The following USP24 variants were observed in gnomAD, a reference collection of about 807,000 sequenced individuals.
USP24 encodes ubiquitin carboxyl-terminal hydrolase 24.
A neutral mutation model predicts 361.6 loss-of-function variants in USP24; 97 were observed. The ratio of observed to expected loss-of-function variants is 0.27; its 90% CI spans 0.23 to 0.32. USP24 has a LOEUF of 0.32. Ranked by LOEUF, USP24 falls within the 10% of genes least tolerant of loss-of-function variation. USP24 has a pLI of 1.00. For synonymous variants in USP24, 1,098 were observed against 1,124.6 expected (o/e 0.98, Z 0.47); for missense variants, 2,353 against 3,165.6 (o/e 0.74, Z 6.16).
At chr1:55,088,353 G>C (rs1454253704) in intron 55 of USP24, among the ~76,000 whole-genome samples, 1 of 152,198 alleles carries the variant, frequency 6.6e-6, no homozygotes, top group East Asian at 1.9e-4. Flanking sequence ...TTGTGTGTTT[G>C]TTTTGAGAGA....
chr1:55,079,793 T>TGAGTACCCTCACAGAGTACTCACACA, intron 59 of USP24, 134 bp from the exon 60 acceptor site: 1 of 1,051,220 alleles, frequency 9.5e-7, no homozygotes, highest in Non-Finnish European at 1.3e-6. Context: ...ACTCACACAC[T>TGAGTACCCTCACAGAGTACTCACACA]GAGTACTCAC....
Position 55,125,444 on chromosome 1 carries a change from T to C in USP24, c.3836A>G (p.Gln1279Arg). The change falls in exon 34 of 68, where the codon CAG becomes CGG. Residue 1279 changes from glutamine to arginine, a missense_variant. This residue lies in a region of USP24 where 949 missense variants were observed against 1,280.5 expected (regional missense o/e 0.74). Coordinates refer to ENST00000294383, the MANE Select transcript of USP24 (RefSeq NM_015306.3). ...ACATAAGGACATCTGTCTGCTTGTCTGCCGGCTGACATTTCGGAATGGGCG... is the reference window on the plus strand; with the variant it reads ...ACATAAGGACATCTGTCTGCTTGTCCGCCGGCTGACATTTCGGAATGGGCG... Reference protein sequence around the residue: ...SSRPFRNVSRQTSRQMSLCGT... With the variant: ...SSRPFRNVSRRTSRQMSLCGT... 1 of 1,613,994 alleles carries C rather than the reference T, an allele frequency of 6.2e-7. No individual in the cohort carries two copies.
chr1:55,130,519 T>C (rs1242932426), intron 31 of USP24, among the ~76,000 whole-genome samples: 1 of 152,196 alleles, frequency 6.6e-6, no homozygotes, highest in African/African-American at 2.4e-5. Context: ...TCTTAAAAAA[T>C]CTGCTTCTAT....
chr1:55,211,922 T>C (rs1013378166), intron 1 of USP24, among the ~76,000 whole-genome samples: 5 of 152,198 alleles, frequency 3.3e-5, no homozygotes, highest in African/African-American at 1.2e-4. Context: ...TTTTTAGAAA[T>C]AAAAAGGATT....
At chr1:55,115,153 C>T (rs962305681) in intron 38 of USP24, among the ~76,000 whole-genome samples, 19 of 151,976 alleles carry the variant, frequency 1.3e-4, no homozygotes, top group African/African-American at 4.6e-4. Flanking sequence ...ATGATCACTG[C>T]AGAGAAATGC....
intron 1 of USP24, among the ~76,000 whole-genome samples, chr1:55,201,251 CTG>C (rs1258240037): frequency 6.6e-6 from 1 of 152,116 alleles, no homozygotes; most frequent in African/African-American, 2.4e-5. Flanking sequence ...TTAGTATCTC[CTG>C]TGTCAAGTGT....
intron 37 of USP24, among the ~76,000 whole-genome samples, chr1:55,120,993 T>A (rs2100596258): frequency 6.6e-6 from 1 of 152,354 alleles, no homozygotes; most frequent in South Asian, 2.1e-4. Flanking sequence ...TCAATAGGTT[T>A]ATAACTTAAT....
intron 7 of USP24, among the ~76,000 whole-genome samples, chr1:55,165,607 C>A (rs987776491): frequency 1.3e-5 from 2 of 151,912 alleles, no homozygotes; most frequent in Non-Finnish European, 2.9e-5. Context: ...ATATAGCAAC[C>A]AACTTTAAAC....
chr1:55,089,903 TA>T (rs1372985823), intron 54 of USP24, among the ~76,000 whole-genome samples, 163 bp from the exon 55 acceptor site: 5 of 152,188 alleles, frequency 3.3e-5, no homozygotes, highest in African/African-American at 1.2e-4. Context: ...GACTGCCCAC[TA>T]CCATGGCTCA....
chr1:55,133,795 C>T (rs1276247970), intron 30 of USP24, among the ~76,000 whole-genome samples: 3 of 152,040 alleles, frequency 2.0e-5, no homozygotes, highest in South Asian at 2.1e-4. Flanking sequence ...TGCCATCACA[C>T]CAGCTAATTT....
rs1391861943 is a variant in USP24 at position 55,157,304 on chromosome 1, A to G, written c.1294T>C (p.Leu432=). 6 of 1,602,878 alleles carry G rather than the reference A, an allele frequency of 3.7e-6. No individual in the cohort carries two copies. Among genetic ancestry groups the G allele is most frequent in the African/African-American group, 1.3e-5 (1 of 74,346 alleles). ...GAGTTTTCAACTAGCCAATCTAATA[A>G]TCTGTCTGTATCTATAGCATTCTTC... ...SVKNAIDTDR[L]LDWLVENSVL... Residue 432 remains leucine, a synonymous_variant, in exon 11 of 68, where the codon TTA becomes CTA. Transcript: ENST00000294383.
intron 61 of USP24, 55 bp from the exon 62 acceptor site, chr1:55,077,355 A>C (rs1645050159): frequency 6.8e-7 from 1 of 1,473,208 alleles, no homozygotes; most frequent in Admixed American, 2.0e-5. Context: ...TTGGAATGGC[A>C]ATTAACAATG....
Position 55,093,975 on chromosome 1 carries a change from C to T in USP24, c.6316G>A (p.Gly2106Arg). ...GCAGGCATTTTCTCCACAAACAGTC[C>T]TTTCTTCTCGCCTTTTTTAACCAGC... ...TKLVKKGEKK[G>R]LFVEKMPARI... Residue 2106 changes from glycine (G) to arginine (R), a missense_variant, in exon 52 of 68, where the codon GGA becomes AGA. Physicochemically the swap from Gly to Arg is moderately radical, Grantham distance 125. This residue lies in a region of USP24 where 598 missense variants were observed against 761.9 expected (regional missense o/e 0.78). Transcript: ENST00000294383. 1 of 1,613,724 alleles carries T rather than the reference C, an allele frequency of 6.2e-7. No homozygotes were observed. Among genetic ancestry groups the T allele is most frequent in the Non-Finnish European group, 8.5e-7 (1 of 1,179,858 alleles).
intron 58 of USP24, among the ~76,000 whole-genome samples, chr1:55,082,232 T>C (rs1304283030): frequency 1.3e-5 from 2 of 152,194 alleles, no homozygotes; most frequent in Non-Finnish European, 2.9e-5. Context: ...ACCAATGCAT[T>C]AGCTTTGTGA....
chr1:55,113,110 T>C (rs1646003097), intron 38 of USP24, among the ~76,000 whole-genome samples: 1 of 152,104 alleles, frequency 6.6e-6, no homozygotes, highest in Admixed American at 6.6e-5. Flanking sequence ...TGCTTTCCAT[T>C]TGCTTGGGAA....
rs192144037 is a variant in USP24 at position 55,165,552 on chromosome 1, G to A, written c.927+333C>T. On this transcript the variant is annotated intron_variant, in intron 7 of 67. Coordinates refer to ENST00000294383, the MANE Select transcript of USP24 (RefSeq NM_015306.3). Reference sequence around the variant, plus strand: ...AAGTAAATTCTGATTTTATATAATCGTTTAACTGAGCCATAAAATTGTTAT... The same window carrying A: ...AAGTAAATTCTGATTTTATATAATCATTTAACTGAGCCATAAAATTGTTAT... Among the ~76,000 whole-genome samples, 463 of 152,050 alleles carry A rather than the reference G, an allele frequency of 3.0e-3. 3 individuals carry two copies. Among genetic ancestry groups the A allele is most frequent in the African/African-American group, 0.011 (445 of 41,508 alleles).
intron 55 of USP24, among the ~76,000 whole-genome samples, chr1:55,088,484 C>T (rs1171633369): frequency 1.3e-5 from 2 of 152,062 alleles, no homozygotes; most frequent in African/African-American, 4.8e-5. Context: ...AAGGTGTGCA[C>T]ATGTAGAGAG....
At chr1:55,126,402 C>A (rs960691603) in intron 32 of USP24, among the ~76,000 whole-genome samples, 3 of 151,894 alleles carry the variant, frequency 2.0e-5, no homozygotes, top group African/African-American at 7.3e-5. Context: ...CGAATCCCTG[C>A]TTCCTTCTTT....
At position 55,096,579 on chromosome 1, in the gene USP24, T is replaced by C. The variant is rs1197853647; in HGVS notation, c.5980A>G (p.Ile1994Val). Reference protein sequence around the residue: ...GKWYKFNDTVIEEFDLNDETL... With the variant: ...GKWYKFNDTVVEEFDLNDETL... ...TCGTCATTTAGGTCAAATTCTTCTA[T>C]AACTGTGTCATTAAATTTATACCAC... The change falls in exon 50 of 68, where the codon ATA (isoleucine) becomes GTA (valine). Residue 1994 changes from isoleucine to valine, a missense_variant. By Grantham distance (29) the Ile-to-Val change is conservative. Around this residue, in one of 8 missense-constraint regions of USP24, gnomAD observed 598 missense variants for 761.9 expected, o/e 0.78. Coordinates refer to ENST00000294383, the MANE Select transcript of USP24 (RefSeq NM_015306.3). 25 of 1,613,208 alleles carry C rather than the reference T, an allele frequency of 1.5e-5. No homozygotes were observed. Among genetic ancestry groups the C allele is most frequent in the Non-Finnish European group, 2.0e-5 (24 of 1,179,662 alleles).
Sources: gnomAD v4.1 joint callset for allele counts (sites outside exome capture counted in the v4.1 genomes callset) on GRCh38, gnomAD v4.1.1 for gene constraint, gnomAD v4.1.1 regional missense constraint, MANE v1.5 for transcripts, NCBI Gene and HGNC (gene_info 2026-07-23, HGNC 2026-07-21) for gene names.